Variants in ANKFN1 observed in about 807,000 individuals in gnomAD.
The protein encoded by ANKFN1 is ankyrin repeat and fibronectin type-III domain-containing protein 1.
In ANKFN1, 74 loss-of-function variants were observed where a neutral mutation model predicts 108.7. The observed-to-expected ratio is 0.68, with a 90% confidence interval of 0.56 to 0.83. The LOEUF (loss-of-function observed/expected upper bound fraction) is 0.83, where lower values mean the gene tolerates loss of function less well. Ranked by LOEUF, ANKFN1 falls within the 40% of genes least tolerant of loss-of-function variation. The pLI, the probability that ANKFN1 is intolerant of heterozygous loss-of-function variation, is 0.00. For synonymous variants in ANKFN1, 547 were observed against 516.2 expected, an observed-to-expected ratio of 1.06 and a Z score of -0.81; for missense variants, 1,505 against 1,382.3, an observed-to-expected ratio of 1.09 and a Z score of -1.41.
chr17:56,132,120 C>G (rs1049350279), intron 4 of ANKFN1, among the ~76,000 whole-genome samples: 17 of 152,288 alleles, frequency 1.1e-4, no homozygotes, highest in African/African-American at 3.6e-4. Flanking sequence ...TTTGAATCTT[C>G]TGAGCTACAA....
At chr17:56,496,344 A>C (rs1598723459) in intron 19 of ANKFN1, among the ~76,000 whole-genome samples, 1 of 152,302 alleles carries the variant, frequency 6.6e-6, no homozygotes, top group Non-Finnish European at 1.5e-5. Flanking sequence ...TAGATTATTT[A>C]TTAATAATTA....
At position 56,331,333 on chromosome 17, in the gene ANKFN1, AC is replaced by A. The variant is rs201566266; in HGVS notation, c.188+4979del. ...AATCCCAGTCAGAAATGTCCCTCTCACTGACTATATCTGTCTACCCACCTGT... is the reference window on the plus strand; with the variant it reads ...AATCCCAGTCAGAAATGTCCCTCTCATGACTATATCTGTCTACCCACCTGT... On this transcript the variant is annotated intron_variant, in intron 4 of 20. Coordinates refer to ENST00000682825, the MANE Select transcript of ANKFN1 (RefSeq NM_001370326.1). 3.5e-3 allele frequency among the ~76,000 whole-genome samples: 539 copies of A among 152,178 alleles called. 11 individuals carry two copies. Among genetic ancestry groups the A allele is most frequent in the East Asian group, 0.031 (158 of 5,168 alleles).
At chr17:56,381,047 C>T (rs1375484656) in intron 8 of ANKFN1, among the ~76,000 whole-genome samples, 1 of 152,174 alleles carries the variant, frequency 6.6e-6, no homozygotes, top group Non-Finnish European at 1.5e-5. Context: ...CCAGTAGCGG[C>T]AGACTGACAC....
chr17:56,307,611 C>T (rs867293052), intron 3 of ANKFN1, among the ~76,000 whole-genome samples: 12 of 152,150 alleles, frequency 7.9e-5, no homozygotes, highest in Admixed American at 6.5e-4. Context: ...GAAATAGGAA[C>T]ACTTTTACAC....
At chr17:56,282,057 A>G (rs9903625) in intron 3 of ANKFN1, among the ~76,000 whole-genome samples, 13,972 of 152,270 alleles carry the variant, frequency 0.092, 682 homozygotes, top group East Asian at 0.22. Context: ...AGTCTTATTC[A>G]TCATAGCCCC....
chr17:56,444,516 C>T (rs777197436), intron 10 of ANKFN1, among the ~76,000 whole-genome samples: 43 of 152,104 alleles, frequency 2.8e-4, no homozygotes, highest in Non-Finnish European at 4.6e-4. Context: ...TTAATCCTTG[C>T]GGCAATCTTT....
At chr17:56,083,467 C>T (rs920843882) in intron 4 of ANKFN1, among the ~76,000 whole-genome samples, 6 of 151,048 alleles carry the variant, frequency 4.0e-5, no homozygotes, top group African/African-American at 1.2e-4. Flanking sequence ...AGAGCTTCTA[C>T]ATCCAGAGAG....
In ANKFN1 at chr17:56,123,513, C is replaced by T. The variant is rs572702258; in HGVS notation, c.288+77188C>T. Among the ~76,000 whole-genome samples the T allele has an allele frequency of 2.6e-5, 4 of 152,200 alleles. No individual in the cohort carries two copies. In the East Asian group the frequency reaches 7.7e-4, roughly 29 times the overall value. ...TAGAGTTCAGCCTCTTTCAGGACTCCCAAAAACACACAGAAGATTTTCACT... is the reference window on the plus strand; with the variant it reads ...TAGAGTTCAGCCTCTTTCAGGACTCTCAAAAACACACAGAAGATTTTCACT... On this transcript the variant is annotated intron_variant, in intron 4 of 12. Transcript: ENST00000635860.
At chr17:56,289,055 C>T (rs1330029227) in intron 3 of ANKFN1, among the ~76,000 whole-genome samples, 1 of 152,166 alleles carries the variant, frequency 6.6e-6, no homozygotes, top group Non-Finnish European at 1.5e-5. Flanking sequence ...CTCAACCTCA[C>T]CCAAGTGAAA....
intron 4 of ANKFN1, among the ~76,000 whole-genome samples, chr17:56,112,635 A>G (rs1308245171): frequency 1.3e-5 from 2 of 152,182 alleles, no homozygotes; most frequent in Non-Finnish European, 2.9e-5. Flanking sequence ...ATAAATTCAC[A>G]TGGGGTTAGA....
intron 15 of ANKFN1, among the ~76,000 whole-genome samples, chr17:56,474,388 T>G (rs1032933300): frequency 2.6e-5 from 4 of 152,324 alleles, no homozygotes; most frequent in Non-Finnish European, 5.9e-5. Context: ...ATTAAGGTAA[T>G]CTGTATGATT....
At chr17:56,436,433 C>T (rs1025899626) in intron 8 of ANKFN1, among the ~76,000 whole-genome samples, 11 of 152,100 alleles carry the variant, frequency 7.2e-5, no homozygotes, top group Admixed American at 2.0e-4. Context: ...GTTTTAGAAC[C>T]GGCTTATACG....
chr17:56,442,888 TG>T lies in ANKFN1; in HGVS notation c.1058del (p.Gly353AspfsTer68). 6.2e-7 allele frequency: 1 copy of T among 1,613,830 alleles called. No homozygotes were observed. Among genetic ancestry groups the T allele is most frequent in the South Asian group, 1.1e-5 (1 of 91,066 alleles). On this transcript the variant is annotated frameshift_variant, in exon 10 of 21. Transcript: ENST00000682825. LOFTEE classifies it high-confidence loss of function. ...AGTCTCGGCTTACAATATGAAAGGA[TG>T]GGGACCTGCTCAGACCACGACACCG... The part of the protein sequence containing the change: ...VQVSAYNMKG[W>X]GPAQTTTPAC...
chr17:56,116,595 C>T (rs1906291966), intron 4 of ANKFN1, among the ~76,000 whole-genome samples: 1 of 152,104 alleles, frequency 6.6e-6, no homozygotes, highest in Non-Finnish European at 1.5e-5. Context: ...TCTCTTTTGC[C>T]TCCTCTCTCA....
At chr17:56,315,672 GAGAAAGCTCCTCTGAGCTT>G (rs1011772526) in intron 3 of ANKFN1, among the ~76,000 whole-genome samples, 10 of 152,298 alleles carry the variant, frequency 6.6e-5, no homozygotes, top group South Asian at 4.1e-4. Flanking sequence ...TGCAGTCCTT[GAGAAAGCTCCTCTGAGCTT>G]AGAAAGCTCC....
At chr17:56,088,438 G>T (rs972393477) in intron 4 of ANKFN1, among the ~76,000 whole-genome samples, 3 of 151,250 alleles carry the variant, frequency 2.0e-5, no homozygotes, top group Non-Finnish European at 4.4e-5. Context: ...GCTCCAGTGT[G>T]GGGGAATGAG....
At chr17:56,503,050 G>A (rs970645453) in intron 20 of ANKFN1, among the ~76,000 whole-genome samples, 3 of 152,122 alleles carry the variant, frequency 2.0e-5, no homozygotes, top group Non-Finnish European at 4.4e-5. Flanking sequence ...GGCAGGGAGT[G>A]GAATGATTTG....
At chr17:56,149,325 T>C (rs776972434), upstream of ANKFN1, among the ~76,000 whole-genome samples, 2 of 152,084 alleles carry the variant, frequency 1.3e-5, no homozygotes, top group Non-Finnish European at 2.9e-5. Context: ...GGATAAAGGA[T>C]GGTGGCTGTA....
intron 1 of ANKFN1, among the ~76,000 whole-genome samples, chr17:56,189,361 G>A (rs1167428549): frequency 1.3e-5 from 2 of 148,992 alleles, no homozygotes; most frequent in Non-Finnish European, 3.0e-5. Flanking sequence ...TAGTAGAGAC[G>A]GGGTTTCACC....
Sources: allele counts gnomAD v4.1 joint callset (sites outside exome capture counted in the v4.1 genomes callset), GRCh38; gene constraint gnomAD v4.1.1; transcripts MANE v1.5; gene names NCBI Gene and HGNC (gene_info 2026-07-23, HGNC 2026-07-21).